The following ADAM23 variants were observed in gnomAD, a reference collection of about 807,000 sequenced individuals.
ADAM23 encodes the protein ADAM metallopeptidase domain 23.
Under a neutral mutation model 120.1 loss-of-function variants are expected in ADAM23, and 33 were observed. That is an observed-to-expected ratio of 0.27 (90% CI 0.21 to 0.37). ADAM23 has a LOEUF of 0.37. ADAM23 is among the 10% of genes least tolerant of loss of function. ADAM23 has a pLI of 1.00. For synonymous variants in ADAM23, 367 were observed against 375.2 expected, an observed-to-expected ratio of 0.98 and a Z score of 0.25; for missense variants, 862 against 1,058.2, an observed-to-expected ratio of 0.81 and a Z score of 2.57.
intron 3 of ADAM23, among the ~76,000 whole-genome samples, chr2:206,518,714 C>T (rs1029852496): frequency 2.6e-5 from 4 of 152,056 alleles, no homozygotes; most frequent in African/African-American, 9.7e-5. Context: ...GAGTGTATCA[C>T]TTTACATCTT....
At chr2:206,565,137 A>G in intron 14 of ADAM23, 69 bp downstream of exon 14, 1 of 1,453,128 alleles carries the variant, frequency 6.9e-7, no homozygotes, top group South Asian at 1.1e-5. Flanking sequence ...GTTAGAAACA[A>G]GGTCTCTCGG....
At chr2:206,517,073 A>G (rs1696749415) in intron 3 of ADAM23, among the ~76,000 whole-genome samples, 1 of 152,182 alleles carries the variant, frequency 6.6e-6, no homozygotes, top group South Asian at 2.1e-4. Context: ...CGTACACACA[A>G]CACATACACC....
intron 2 of ADAM23, among the ~76,000 whole-genome samples, chr2:206,447,229 A>G (rs1695100133): frequency 6.6e-6 from 1 of 152,210 alleles, no homozygotes; most frequent in African/African-American, 2.4e-5. Context: ...TTAAACCTGT[A>G]CCCACCGCTT....
intron 2 of ADAM23, among the ~76,000 whole-genome samples, chr2:206,464,219 G>C (rs1331015405): frequency 1.3e-5 from 2 of 152,122 alleles, no homozygotes; most frequent in East Asian, 3.8e-4. Flanking sequence ...GTTTGCATCA[G>C]TTACTTCTTG....
chr2:206,477,188 G>A (rs910646382), intron 2 of ADAM23, among the ~76,000 whole-genome samples: 8 of 152,112 alleles, frequency 5.3e-5, no homozygotes, highest in East Asian at 1.9e-4. Flanking sequence ...AGTCTTAGCC[G>A]AAGAACCCAA....
chr2:206,580,581 T>C (rs569646097), intron 18 of ADAM23, among the ~76,000 whole-genome samples: 121 of 152,316 alleles, frequency 7.9e-4, no homozygotes, highest in African/African-American at 2.7e-3. Flanking sequence ...TTGATCATGG[T>C]GGATTATCTT....
At chr2:206,455,492 G>T (rs1245924343) in intron 2 of ADAM23, among the ~76,000 whole-genome samples, 1 of 152,192 alleles carries the variant, frequency 6.6e-6, no homozygotes, top group Non-Finnish European at 1.5e-5. Context: ...GCAAGCTTCT[G>T]CAGCAGGCTT....
At chr2:206,536,809 G>T (rs968463132) in intron 4 of ADAM23, among the ~76,000 whole-genome samples, 8 of 152,002 alleles carry the variant, frequency 5.3e-5, no homozygotes, top group Admixed American at 1.3e-4. Flanking sequence ...GGGTTCAAGA[G>T]ATTCTCCTGT....
At chr2:206,503,135 C>T (rs1012242028) in intron 3 of ADAM23, among the ~76,000 whole-genome samples, 10 of 152,088 alleles carry the variant, frequency 6.6e-5, no homozygotes, top group African/African-American at 2.4e-4. Context: ...CCAGTGTGTA[C>T]TTAATTTGAT....
intron 2 of ADAM23, among the ~76,000 whole-genome samples, chr2:206,470,505 T>C (rs938483224): frequency 1.3e-5 from 2 of 152,154 alleles, no homozygotes; most frequent in Non-Finnish European, 1.5e-5. Flanking sequence ...GAACATGAGG[T>C]CACGTATCAA....
chr2:206,609,433 GGA>G (rs1241093138), intron 24 of ADAM23, among the ~76,000 whole-genome samples: 2 of 152,130 alleles, frequency 1.3e-5, no homozygotes, highest in African/African-American at 4.8e-5. Context: ...TTCCAAGTGG[GGA>G]ATTAAAAAGT....
At chr2:206,456,319 A>G (rs1357256601) in intron 2 of ADAM23, among the ~76,000 whole-genome samples, 1 of 152,034 alleles carries the variant, frequency 6.6e-6, no homozygotes, top group Non-Finnish European at 1.5e-5. Flanking sequence ...TCTCATGAGA[A>G]CAGCATGAGG....
chr2:206,578,443 T>C (rs1174252735), intron 18 of ADAM23, among the ~76,000 whole-genome samples: 2 of 151,810 alleles, frequency 1.3e-5, no homozygotes, highest in Non-Finnish European at 2.9e-5. Context: ...CGAGAACATA[T>C]GATGCTTGGT....
chr2:206,523,903 G>T (rs536258442), intron 3 of ADAM23, among the ~76,000 whole-genome samples: 1 of 152,202 alleles, frequency 6.6e-6, no homozygotes, highest in Admixed American at 6.5e-5. Context: ...TGGCTTCATG[G>T]AGCCTTGGGC....
chr2:206,479,528 C>T (rs556865486), intron 2 of ADAM23, among the ~76,000 whole-genome samples: 1 of 152,230 alleles, frequency 6.6e-6, no homozygotes, highest in South Asian at 2.1e-4. Context: ...TGAAAAATCT[C>T]TCCTTGTACA....
intron 2 of ADAM23, among the ~76,000 whole-genome samples, chr2:206,457,767 G>A (rs1277532567): frequency 1.3e-5 from 2 of 152,024 alleles, no homozygotes; most frequent in Non-Finnish European, 2.9e-5. Flanking sequence ...TCAGACATTC[G>A]TACCATTCTA....
intron 2 of ADAM23, among the ~76,000 whole-genome samples, chr2:206,465,199 T>C (rs1411636655): frequency 6.6e-6 from 1 of 152,166 alleles, no homozygotes; most frequent in African/African-American, 2.4e-5. Flanking sequence ...CCACCATGCC[T>C]GGCTATTTTT....
At chr2:206,446,334 AT>A (rs1695081711) in intron 2 of ADAM23, among the ~76,000 whole-genome samples, 1 of 152,214 alleles carries the variant, frequency 6.6e-6, no homozygotes, top group Non-Finnish European at 1.5e-5. Flanking sequence ...GATTTAAACA[AT>A]GGATTATCGG....
intron 25 of ADAM23, among the ~76,000 whole-genome samples, chr2:206,613,925 T>C (rs3755226): frequency 0.066 from 10,027 of 152,206 alleles, 587 homozygotes; most frequent in East Asian, 0.16. Context: ...TTCTAGGTGA[T>C]GGTAGGAAAA....
Sources: allele counts gnomAD v4.1 joint callset (sites outside exome capture counted in the v4.1 genomes callset), GRCh38; gene constraint gnomAD v4.1.1; transcripts MANE v1.5; gene names NCBI Gene and HGNC (gene_info 2026-07-23, HGNC 2026-07-21).